The following ARHGAP35 variants were observed in gnomAD, a reference collection of about 807,000 sequenced individuals.
ARHGAP35 encodes Rho GTPase activating protein 35, also known as rho GTPase-activating protein 35.
ARHGAP35 carries 15 observed loss-of-function variants against 111.1 expected under a neutral mutation model. That is an observed-to-expected ratio of 0.13 (90% confidence interval 0.09 to 0.21). The LOEUF (loss-of-function observed/expected upper bound fraction) is 0.21, where lower values mean the gene tolerates loss of function less well. Ranked by LOEUF, ARHGAP35 falls within the 10% of genes least tolerant of loss-of-function variation. The probability of loss-of-function intolerance (pLI) is 1.00; values close to 1 mark genes in which losing one functional copy is unlikely to be tolerated. For synonymous variants in ARHGAP35, 643 were observed against 710.3 expected, an observed-to-expected ratio of 0.91 and a Z score of 1.51; for missense variants, 1,262 against 1,873.0, an observed-to-expected ratio of 0.67 and a Z score of 6.02.
At chr19:46,862,378 T>A (rs2031781176) in intron 1 of ARHGAP35, among the ~76,000 whole-genome samples, 1 of 152,178 alleles carries the variant, frequency 6.6e-6, no homozygotes, top group South Asian at 2.1e-4. Flanking sequence ...CTCCTTTCTT[T>A]GGCCTGTCTC....
intron 1 of ARHGAP35, among the ~76,000 whole-genome samples, chr19:46,910,110 TAA>T (rs2056130191): frequency 1.3e-5 from 2 of 152,074 alleles, no homozygotes; most frequent in South Asian, 4.2e-4. Flanking sequence ...CTCAACGGGG[TAA>T]AAGATTATTA....
intron 1 of ARHGAP35, among the ~76,000 whole-genome samples, chr19:46,911,393 A>C (rs2056137305): frequency 6.6e-6 from 1 of 152,154 alleles, no homozygotes; most frequent in African/African-American, 2.4e-5. Context: ...CAAAGACAGT[A>C]CCCATTCCTT....
At chr19:46,873,303 G>A (rs1216322276) in intron 1 of ARHGAP35, among the ~76,000 whole-genome samples, 1 of 152,042 alleles carries the variant, frequency 6.6e-6, no homozygotes, top group East Asian at 1.9e-4. Flanking sequence ...TTTGAACAAG[G>A]TTCCCTTCTA....
intron 3 of ARHGAP35, among the ~76,000 whole-genome samples, chr19:46,962,950 C>T (rs750264742): frequency 1.3e-5 from 2 of 152,186 alleles, no homozygotes; most frequent in African/African-American, 4.8e-5. Flanking sequence ...ACTGCATCCT[C>T]ATCCTTCCCG....
Position 46,908,321 on chromosome 19 carries a change from GT to G in ARHGAP35, c.-188-10160del, listed in dbSNP as rs149270269. On this transcript the variant is annotated intron_variant, in intron 1 of 6. Coordinates refer to ENST00000672722, the MANE Select transcript of ARHGAP35 (RefSeq NM_004491.5). This position sits in a 1 kb window ranked among gnomAD's most constrained non-coding sequence, Gnocchi z 4.2. ...GAAATTTCAAAGGTAAGACTCGGCTGTTTTTTTGTATCTTGACTTGGTAAGA... is the reference window on the plus strand; with the variant it reads ...GAAATTTCAAAGGTAAGACTCGGCTGTTTTTTGTATCTTGACTTGGTAAGA... 6.6e-6 allele frequency among the ~76,000 whole-genome samples: 1 copy of G among 152,144 alleles called. No individual in the cohort carries two copies. Among genetic ancestry groups the G allele is most frequent in the East Asian group, 1.9e-4 (1 of 5,198 alleles).
chr19:46,999,467 G>C lies in ARHGAP35; in HGVS notation c.4142+58G>C, dbSNP rs2056734058. The C allele has an allele frequency of 8.8e-7, 1 of 1,141,256 alleles. No homozygotes were observed. The highest frequency in any genetic ancestry group is 2.0e-5 in the Admixed American group (1 of 49,714). 70.7% of individuals were successfully genotyped at this position (1,141,256 alleles called of 1,614,324 possible). A position where few individuals can be genotyped will look rare whatever the true frequency, so the allele number is the denominator to read the frequency against. On this transcript the variant is annotated intron_variant, in intron 6 of 6. Transcript: ENST00000672722. The surrounding 1 kb of genome is among the most constrained non-coding windows in gnomAD (Gnocchi z 5.4). ...TCCTGAAAATTGACAGCCAGGGTCA[G>C]TGTGTCGCAGAACAAGGCTCTGTCC...
intron 3 of ARHGAP35, among the ~76,000 whole-genome samples, chr19:46,950,667 T>TCA (rs982628616): frequency 7.9e-5 from 12 of 152,170 alleles, no homozygotes; most frequent in African/African-American, 2.7e-4. Context: ...CCCAAAGCTA[T>TCA]CACCACATTC....
intron 3 of ARHGAP35, among the ~76,000 whole-genome samples, chr19:46,952,529 C>T (rs2122249058): frequency 6.6e-6 from 1 of 152,320 alleles, no homozygotes; most frequent in East Asian, 1.9e-4. Context: ...AGAAAACTAT[C>T]TAAAACGAAA....
intron 1 of ARHGAP35, among the ~76,000 whole-genome samples, chr19:46,911,371 G>A (rs1478044088): frequency 1.3e-5 from 2 of 152,062 alleles, no homozygotes; most frequent in Non-Finnish European, 2.9e-5. Flanking sequence ...TAAATTATAA[G>A]ATCCTCGTCA....
At chr19:46,888,353 C>T (rs1430470761) in intron 1 of ARHGAP35, among the ~76,000 whole-genome samples, 3 of 136,410 alleles carry the variant, frequency 2.2e-5, no homozygotes, top group African/African-American at 8.3e-5. Flanking sequence ...CACACACACA[C>T]ACACACACAC....
intron 3 of ARHGAP35, among the ~76,000 whole-genome samples, chr19:46,965,658 T>C (rs770778314): frequency 9.2e-5 from 14 of 152,146 alleles, no homozygotes; most frequent in Non-Finnish European, 1.8e-4. Flanking sequence ...CTAATTCTTG[T>C]ATTTTTTGTA....
At chr19:46,964,439 G>A (rs1453289460) in intron 3 of ARHGAP35, among the ~76,000 whole-genome samples, 2 of 151,580 alleles carry the variant, frequency 1.3e-5, no homozygotes, top group Non-Finnish European at 2.9e-5. Flanking sequence ...AATATGTTTC[G>A]TAGAGATGGG....
intron 1 of ARHGAP35, among the ~76,000 whole-genome samples, chr19:46,872,357 T>G (rs2055892075): frequency 6.6e-6 from 1 of 152,104 alleles, no homozygotes; most frequent in African/African-American, 2.4e-5. Context: ...AAAACTTTTT[T>G]TTTAATTTTC....
At chr19:46,862,879 T>TGGA (rs2055836442) in intron 1 of ARHGAP35, among the ~76,000 whole-genome samples, 1 of 152,160 alleles carries the variant, frequency 6.6e-6, no homozygotes, top group African/African-American at 2.4e-5. Flanking sequence ...CCTCTTGTCT[T>TGGA]CTTTTGGAGT....
chr19:46,978,850 G>GGT (rs2056600912), intron 3 of ARHGAP35, among the ~76,000 whole-genome samples: 1 of 124,194 alleles, frequency 8.1e-6, no homozygotes, highest in Non-Finnish European at 1.7e-5. Flanking sequence ...TGTGTGGTGG[G>GGT]GTGTGTGTAT....
intron 1 of ARHGAP35, among the ~76,000 whole-genome samples, chr19:46,905,977 C>A (rs934894424): frequency 6.6e-6 from 1 of 151,740 alleles, no homozygotes; most frequent in Non-Finnish European, 1.5e-5. Flanking sequence ...AGCCACCGTG[C>A]CTGGCCACAT....
Position 46,918,832 on chromosome 19 carries a change from G to A in ARHGAP35, c.157G>A (p.Asp53Asn), listed in dbSNP as rs1415507431. The A allele has an allele frequency of 6.2e-7, 1 of 1,613,956 alleles. No individual in the cohort carries two copies. The highest frequency in any genetic ancestry group is 1.7e-5 in the Admixed American group (1 of 60,012). ...CCCGAGTGCTGACGAGTTTCACTTGGACCATACCTCCGTCCTCAGCACCAG... is the reference window on the plus strand; with the variant it reads ...CCCGAGTGCTGACGAGTTTCACTTGAACCATACCTCCGTCCTCAGCACCAG... ...VRPSADEFHL[D>N]HTSVLSTSDF... The change falls in exon 2 of 7, where the codon GAC (aspartate) becomes AAC (asparagine). Residue 53 changes from aspartate to asparagine, a missense_variant. Coordinates refer to ENST00000672722, the MANE Select transcript of ARHGAP35 (RefSeq NM_004491.5). The surrounding 1 kb of genome is among the most constrained non-coding windows in gnomAD (Gnocchi z 5.4).
chr19:46,939,219 C>G (rs1223633291), intron 3 of ARHGAP35, among the ~76,000 whole-genome samples: 3 of 151,968 alleles, frequency 2.0e-5, no homozygotes, highest in Non-Finnish European at 4.4e-5. Flanking sequence ...AAATGATCCT[C>G]CTACCTTGGC....
chr19:46,981,866 T>TGTTTTG (rs1447254115), intron 3 of ARHGAP35, among the ~76,000 whole-genome samples: 1 of 151,694 alleles, frequency 6.6e-6, no homozygotes, highest in African/African-American at 2.4e-5. Flanking sequence ...TGTTTTGTTT[T>TGTTTTG]GTTTTGAGAT....
Sources: gnomAD v4.1 joint callset for allele counts (sites outside exome capture counted in the v4.1 genomes callset) on GRCh38, gnomAD v4.1.1 for gene constraint, Gnocchi (gnomAD v3.1) non-coding constraint, MANE v1.5 for transcripts, NCBI Gene and HGNC (gene_info 2026-07-23, HGNC 2026-07-21) for gene names.